Variants in SMOC1 observed in about 807,000 individuals in gnomAD.
The protein encoded by SMOC1 is SPARC related modular calcium binding 1.
A neutral mutation model predicts 56.3 loss-of-function variants in SMOC1; 22 were observed. The ratio of observed to expected loss-of-function variants is 0.39; its 90% CI spans 0.28 to 0.56. The LOEUF (loss-of-function observed/expected upper bound fraction) is 0.56. SMOC1 is among the 20% of genes least tolerant of loss of function. The pLI, the probability that SMOC1 is intolerant of heterozygous loss-of-function variation, is 0.61. For missense variants in SMOC1, 509 were observed against 565.4 expected, an observed-to-expected ratio of 0.90 and a Z score of 1.01; for synonymous variants, 193 against 215.0, an observed-to-expected ratio of 0.90 and a Z score of 0.89.
At chr14:69,948,603 C>T (rs1345650832) in intron 1 of SMOC1, among the ~76,000 whole-genome samples, 1 of 152,126 alleles carries the variant, frequency 6.6e-6, no homozygotes, top group African/African-American at 2.4e-5. Context: ...GCTCTCCTGT[C>T]CTGTGAGCTG....
intron 10 of SMOC1, among the ~76,000 whole-genome samples, chr14:70,017,897 C>T (rs1276081103): frequency 6.6e-6 from 1 of 152,186 alleles, no homozygotes; most frequent in Admixed American, 6.5e-5. Context: ...AGTGGAGCCC[C>T]ATCTTCCCTT....
rs368268529 is a variant in SMOC1, at chr14:69,921,063, C to G, written c.100-31075C>G. Among the ~76,000 whole-genome samples, 11 of 152,306 alleles carry G rather than the reference C, an allele frequency of 7.2e-5. No homozygotes were observed. In the East Asian group the frequency reaches 1.2e-3, roughly 16 times the overall value. On this transcript the variant is annotated intron_variant, in intron 1 of 11. Transcript: ENST00000361956. Reference sequence around the variant, plus strand: ...TGGTCGCCCAAAGCCCATGGTCCTCCTGGGTGTCCTGAGAGCTTCTCAGAG... The same window carrying G: ...TGGTCGCCCAAAGCCCATGGTCCTCGTGGGTGTCCTGAGAGCTTCTCAGAG...
intron 7 of SMOC1, among the ~76,000 whole-genome samples, chr14:70,006,196 C>T (rs1464817667): frequency 1.3e-5 from 2 of 152,164 alleles, no homozygotes; most frequent in Non-Finnish European, 2.9e-5. Context: ...TGATCTTGAT[C>T]CAATGACTCT....
At chr14:69,898,463 T>C (rs1448148183) in intron 1 of SMOC1, among the ~76,000 whole-genome samples, 1 of 151,770 alleles carries the variant, frequency 6.6e-6, no homozygotes, top group Non-Finnish European at 1.5e-5. Flanking sequence ...TATTCAATTC[T>C]GTTTTTTTTT....
At chr14:69,976,045 A>C (rs1310553252) in intron 4 of SMOC1, among the ~76,000 whole-genome samples, 1 of 152,198 alleles carries the variant, frequency 6.6e-6, no homozygotes, top group African/African-American at 2.4e-5. Flanking sequence ...TTTTTGGTTC[A>C]ATGCTCTCCT....
Position 69,959,427 on chromosome 14 carries a change from AT to A in SMOC1, c.378+5901del, listed in dbSNP as rs555707646. 2.5e-3 allele frequency among the ~76,000 whole-genome samples: 377 copies of A among 152,296 alleles called. 4 individuals carry two copies. The highest frequency in any genetic ancestry group is 8.8e-3 in the African/African-American group (364 of 41,550). ...TCAGACTCATTCCCAAGATATTTTA[AT>A]TTTTTATGTAGACAGATTATAGTTC... On this transcript the variant is annotated intron_variant, in intron 3 of 11. Coordinates refer to ENST00000361956, the MANE Select transcript of SMOC1 (RefSeq NM_001034852.3).
chr14:69,970,192 C>A (rs1033782786), intron 3 of SMOC1, among the ~76,000 whole-genome samples: 1 of 152,132 alleles, frequency 6.6e-6, no homozygotes, highest in Non-Finnish European at 1.5e-5. Flanking sequence ...AGCTGCTTCC[C>A]TGGTGGGCAT....
In SMOC1 at chr14:69,885,567, G is replaced by A. The variant is rs971213930; in HGVS notation, c.99+5790G>A. ...GTGCAGGTCTTCCTGTGGACTAGAC[G>A]TCCCAGTCTTGCCTTCCCCTTGATA... On this transcript the variant is annotated intron_variant, in intron 1 of 11. Coordinates refer to ENST00000361956, the MANE Select transcript of SMOC1 (RefSeq NM_001034852.3). 32 of 1,593,406 alleles carry A rather than the reference G, an allele frequency of 2.0e-5. No individual in the cohort carries two copies. The East Asian group carries it at 2.5e-4, about 12-fold the overall frequency.
chr14:69,958,303 AAC>A (rs2139455747), intron 3 of SMOC1, among the ~76,000 whole-genome samples: 1 of 152,344 alleles, frequency 6.6e-6, no homozygotes, highest in South Asian at 2.1e-4. Flanking sequence ...AAAAGCAAAC[AAC>A]ACACATTAGC....
At chr14:69,936,390 C>A (rs755570571) in intron 1 of SMOC1, among the ~76,000 whole-genome samples, 15 of 152,200 alleles carry the variant, frequency 9.9e-5, no homozygotes, top group Non-Finnish European at 1.8e-4. Flanking sequence ...AGACGCTGCC[C>A]GAGAGGGCAT....
At chr14:69,964,458 A>C (rs962763182) in intron 3 of SMOC1, among the ~76,000 whole-genome samples, 1 of 151,456 alleles carries the variant, frequency 6.6e-6, no homozygotes, top group African/African-American at 2.4e-5. Context: ...GCTCACTGCA[A>C]GCTCCACCTC....
intron 1 of SMOC1, among the ~76,000 whole-genome samples, chr14:69,925,674 C>A (rs1884990991): frequency 6.6e-6 from 1 of 152,120 alleles, no homozygotes; most frequent in Admixed American, 6.5e-5. Flanking sequence ...ATAGTAGGTT[C>A]AAATATTTGT....
intron 1 of SMOC1, among the ~76,000 whole-genome samples, chr14:69,900,721 A>G (rs146410252): frequency 1.4e-3 from 208 of 152,300 alleles, no homozygotes; most frequent in Non-Finnish European, 2.4e-3. Flanking sequence ...TATCCCCAAC[A>G]CCCAAAGGCT....
intron 5 of SMOC1, among the ~76,000 whole-genome samples, chr14:69,980,335 G>T (rs1284880244): frequency 6.6e-6 from 1 of 152,150 alleles, no homozygotes. Context: ...CTCCAAGATG[G>T]CTCTGCAGAG....
rs371948220 is a variant in SMOC1, at chr14:69,993,783, A to C, written c.584-617A>C. Among the ~76,000 whole-genome samples the C allele has an allele frequency of 2.6e-3, 400 of 152,268 alleles. 1 individual carries two copies. Among genetic ancestry groups the C allele is most frequent in the African/African-American group, 9.2e-3 (383 of 41,546 alleles). On this transcript the variant is annotated intron_variant, in intron 6 of 11. Transcript: ENST00000361956. Reference sequence around the variant, plus strand: ...CTGTCTCATCTTGGGAGACCTCCCCAATACCCTCATTGAAGGTCACTCCAC... The same window carrying C: ...CTGTCTCATCTTGGGAGACCTCCCCCATACCCTCATTGAAGGTCACTCCAC...
At chr14:69,997,304 G>T (rs1030271426) in intron 7 of SMOC1, among the ~76,000 whole-genome samples, 21 of 152,196 alleles carry the variant, frequency 1.4e-4, no homozygotes, top group Non-Finnish European at 4.4e-5. Context: ...TCCGGTTCTG[G>T]TGCATGCTCC....
chr14:69,879,852 G>A, intron 1 of SMOC1, 75 bp downstream of exon 1: 1 of 1,311,594 alleles, frequency 7.6e-7, no homozygotes, highest in Non-Finnish European at 1.0e-6. Context: ...CTGAGGGAAG[G>A]AGGAGGGGGA....
At chr14:69,880,055 C>T (rs1447896364) in intron 1 of SMOC1, among the ~76,000 whole-genome samples, 4 of 152,136 alleles carry the variant, frequency 2.6e-5, no homozygotes, top group Non-Finnish European at 1.5e-5. Flanking sequence ...CTGCATTTTG[C>T]TCAAGACCCT....
intron 1 of SMOC1, among the ~76,000 whole-genome samples, chr14:69,896,397 T>A (rs1413082474): frequency 1.3e-5 from 2 of 152,178 alleles, no homozygotes; most frequent in African/African-American, 2.4e-5. Context: ...TGAACTAAGC[T>A]CCATGCTTCA....
Sources: gnomAD v4.1 joint callset for allele counts (sites outside exome capture counted in the v4.1 genomes callset) on GRCh38, gnomAD v4.1.1 for gene constraint, MANE v1.5 for transcripts, NCBI Gene and HGNC (gene_info 2026-07-23, HGNC 2026-07-21) for gene names.